Variants in UBR4 observed in about 807,000 individuals in gnomAD.
The protein encoded by UBR4 is E3 ubiquitin-protein ligase UBR4.
In UBR4, 124 loss-of-function variants were observed where a neutral mutation model predicts 575.6. The ratio of observed to expected loss-of-function variants is 0.22; its 90% CI spans 0.19 to 0.25. The LOEUF (loss-of-function observed/expected upper bound fraction) is 0.25, where lower values mean the gene tolerates loss of function less well. Ranked by LOEUF, UBR4 falls within the 10% of genes least tolerant of loss-of-function variation. UBR4 has a pLI of 1.00. For synonymous variants in UBR4, 2,455 were observed against 2,473.7 expected, an observed-to-expected ratio of 0.99 and a Z score of 0.22; for missense variants, 4,818 against 6,478.8, an observed-to-expected ratio of 0.74 and a Z score of 8.80.
At chr1:19,169,153 T>C (rs1301011812) in intron 27 of UBR4, among the ~76,000 whole-genome samples, 2 of 152,148 alleles carry the variant, frequency 1.3e-5, no homozygotes, top group African/African-American at 4.8e-5. Flanking sequence ...TAACATTCAA[T>C]ACATTGAATC....
intron 70 of UBR4, 74 bp downstream of exon 70, chr1:19,119,483 A>G (rs2080942047): frequency 3.2e-6 from 5 of 1,562,630 alleles, no homozygotes; most frequent in Admixed American, 1.9e-5. Flanking sequence ...TGGGTTGTTC[A>G]TAATATTCTT....
At chr1:19,205,154 C>A (rs1241848923) in intron 1 of UBR4, among the ~76,000 whole-genome samples, 2 of 152,164 alleles carry the variant, frequency 1.3e-5, no homozygotes, top group Non-Finnish European at 2.9e-5. Flanking sequence ...GACAGAGAAG[C>A]TGAAGCTTTT....
chr1:19,160,779 A>G (rs2087213182), intron 38 of UBR4, 138 bp downstream of exon 38: 1 of 804,364 alleles, frequency 1.2e-6, no homozygotes, highest in African/African-American at 1.7e-5. Context: ...GACAATACAT[A>G]GTATTTGCAT....
At chr1:19,113,071 G>A in intron 77 of UBR4, 1 of 563,636 alleles carries the variant, frequency 1.8e-6, no homozygotes, top group South Asian at 2.5e-5. Flanking sequence ...ACCAAGATAA[G>A]TGGCAGAGTC....
At position 19,104,824 on chromosome 1, in the gene UBR4, G is replaced by A. The variant is rs2149153274; in HGVS notation, c.12646-158C>T. The A allele has an allele frequency of 9.3e-6, 10 of 1,070,206 alleles. No individual in the cohort carries two copies. In the South Asian group the frequency reaches 1.5e-4, roughly 16 times the overall value. 66.3% of individuals were successfully genotyped at this position (1,070,206 alleles called of 1,614,324 possible). A position where few individuals can be genotyped will look rare whatever the true frequency, so the allele number is the denominator to read the frequency against. The stretch of plus-strand genomic sequence containing the variant: ...CCTTTCCAGGAAGCCAACAGTCACA[G>A]CGCTGGTAAGGGATTGCTTAAAAAC... On this transcript the variant is annotated intron_variant, in intron 85 of 105. Coordinates refer to ENST00000375254, the MANE Select transcript of UBR4 (RefSeq NM_020765.3).
At chr1:19,104,812 C>T in intron 85 of UBR4, 146 bp from the exon 86 acceptor site, 1 of 1,110,462 alleles carries the variant, frequency 9.0e-7, no homozygotes, top group Non-Finnish European at 1.3e-6. Context: ...TTCCAGGAAG[C>T]CAACAGTCAC....
At chr1:19,080,913 T>C (rs2076436218) in intron 103 of UBR4, 1 of 160,570 alleles carries the variant, frequency 6.2e-6, no homozygotes, top group Non-Finnish European at 1.4e-5. Context: ...GTGGGACGCA[T>C]GGGATAGGAA....
chr1:19,116,324 G>A (rs1345108964), intron 73 of UBR4, among the ~76,000 whole-genome samples: 2 of 152,196 alleles, frequency 1.3e-5, no homozygotes, highest in East Asian at 3.8e-4. Context: ...TAGTCTACCA[G>A]TAGCTCTGCT....
chr1:19,150,905 C>T, intron 48 of UBR4, 112 bp from the exon 49 acceptor site: 2 of 1,005,668 alleles, frequency 2.0e-6, no homozygotes, highest in Non-Finnish European at 3.0e-6. Context: ...ATTTTATAGA[C>T]ATAGAGAAAC....
intron 81 of UBR4, among the ~76,000 whole-genome samples, chr1:19,107,213 C>T (rs1016304686): frequency 3.5e-4 from 53 of 152,158 alleles, no homozygotes; most frequent in Non-Finnish European, 4.4e-5. Context: ...CTGTGGCTGG[C>T]TTCCTACAAT....
At chr1:19,081,816 C>G (rs762194951) in intron 102 of UBR4, 3 of 695,918 alleles carry the variant, frequency 4.3e-6, no homozygotes, top group Admixed American at 2.1e-5. Context: ...TGTCTAGCTC[C>G]TACCCCAGCT....
Position 19,197,274 on chromosome 1 carries a change from T to G in UBR4, c.894-9A>C. The G allele has an allele frequency of 6.2e-7, 1 of 1,614,030 alleles. No individual in the cohort carries two copies. The highest frequency in any genetic ancestry group is 8.5e-7 in the Non-Finnish European group (1 of 1,179,964). On this transcript the variant is annotated splice_polypyrimidine_tract_variant and intron_variant, in intron 7 of 105. Coordinates refer to ENST00000375254, the MANE Select transcript of UBR4 (RefSeq NM_020765.3). ...TCACCAATGAATGAAAGCTGGAACATGACAGAGATCAACAAGTGTCTCTTA... is the reference window on the plus strand; with the variant it reads ...TCACCAATGAATGAAAGCTGGAACAGGACAGAGATCAACAAGTGTCTCTTA...
At chr1:19,146,798 G>C (rs778817194) in intron 52 of UBR4, 28 bp downstream of exon 52, 8 of 1,602,314 alleles carry the variant, frequency 5.0e-6, no homozygotes, top group Non-Finnish European at 6.0e-6. Flanking sequence ...GCAGATCTCA[G>C]GACCACGGCC....
chr1:19,151,271 C>A, intron 48 of UBR4: 1 of 344,774 alleles, frequency 2.9e-6, no homozygotes, highest in Non-Finnish European at 5.4e-6. Flanking sequence ...CAAGCCATTG[C>A]CAACCATCTC....
intron 64 of UBR4, chr1:19,125,640 G>A (rs1333514749): frequency 6.6e-6 from 1 of 152,314 alleles, no homozygotes; most frequent in African/African-American, 2.4e-5. Context: ...TGCGTGTAGG[G>A]TGTTATAGGT....
At chr1:19,081,619 G>C in intron 102 of UBR4, 46 bp from the exon 103 acceptor site, 1 of 1,602,620 alleles carries the variant, frequency 6.2e-7, no homozygotes, top group Non-Finnish European at 8.5e-7. Context: ...GTGGAAGCAG[G>C]ACCCGGCAGC....
rs764013846 is a variant in UBR4, at chr1:19,153,330, G to A, written c.6803C>T (p.Pro2268Leu). The change falls in exon 46 of 106, where the codon CCT becomes CTT. Residue 2268 changes from proline to leucine, a missense_variant. Physicochemically the swap from Pro to Leu is moderately conservative, Grantham distance 98. This residue lies in a region of UBR4 where 461 missense variants were observed against 606.9 expected (regional missense o/e 0.76). Transcript: ENST00000375254. This position sits in a 1 kb window ranked among gnomAD's most constrained non-coding sequence, Gnocchi z 4.1. ...QPSSVISIMK[P>L]VRKRKTATIT... ...TGTAGCTGTTTTGCGCTTTCGAACA[G>A]GCTTCATGATGCTGATGACACTGCT... The A allele has an allele frequency of 6.2e-7, 1 of 1,614,188 alleles. No homozygotes were observed. Among genetic ancestry groups the A allele is most frequent in the South Asian group, 1.1e-5 (1 of 91,082 alleles).
At chr1:19,135,665 G>T (rs2083122450) in intron 60 of UBR4, among the ~76,000 whole-genome samples, 1 of 151,848 alleles carries the variant, frequency 6.6e-6, no homozygotes, top group African/African-American at 2.4e-5. Flanking sequence ...AAATAATTAA[G>T]CACAAGAAAC....
chr1:19,177,874 G>A, intron 18 of UBR4, 131 bp from the exon 19 acceptor site: 1 of 1,141,342 alleles, frequency 8.8e-7, no homozygotes, highest in Non-Finnish European at 1.2e-6. Flanking sequence ...AAGAAAAAAA[G>A]GCTACATGGT....
Sources: allele counts gnomAD v4.1 joint callset (sites outside exome capture counted in the v4.1 genomes callset), GRCh38; gene constraint gnomAD v4.1.1; regional missense constraint gnomAD v4.1.1; non-coding constraint Gnocchi (gnomAD v3.1); transcripts MANE v1.5; gene names NCBI Gene and HGNC (gene_info 2026-07-23, HGNC 2026-07-21).